Variants in IKZF3 observed in about 807,000 individuals in gnomAD.
IKZF3 encodes the protein IKAROS family zinc finger 3, also known as zinc finger protein Aiolos.
Under a neutral mutation model 49.0 loss-of-function variants are expected in IKZF3, and 10 were observed. The ratio of observed to expected loss-of-function variants is 0.20; its 90% CI spans 0.13 to 0.35. The LOEUF is 0.35. Among genes scored for constraint, IKZF3 ranks in the 10% least tolerant of loss-of-function variants. The pLI, the probability that IKZF3 is intolerant of heterozygous loss-of-function variation, is 1.00. For synonymous variants in IKZF3, 209 were observed against 228.2 expected (o/e 0.92, Z 0.76); for missense variants, 498 against 664.8 (o/e 0.75, Z 2.76).
In IKZF3 at chr17:39,758,586, G is replaced by A. The variant is rs958854208; in HGVS notation, c.*7204C>T. 6.6e-6 allele frequency: 1 copy of A among 151,972 alleles called. No homozygotes were observed. The highest frequency in any genetic ancestry group is 1.5e-5 in the Non-Finnish European group (1 of 68,040). The allele number at this position is 151,972 out of a possible 1,614,324, so 9.4% of individuals were successfully genotyped here. A position where few individuals can be genotyped will look rare whatever the true frequency, so the allele number is the denominator to read the frequency against. On this transcript the variant is annotated 3_prime_UTR_variant, in exon 8 of 8. Coordinates refer to ENST00000346872, the MANE Select transcript of IKZF3 (RefSeq NM_012481.5). ...TCTGGAGTGGGGTCAGTGGAGAGATGAACAGTGAGAAACATTTGAAATAAC... is the reference window on the plus strand; with the variant it reads ...TCTGGAGTGGGGTCAGTGGAGAGATAAACAGTGAGAAACATTTGAAATAAC...
intron 3 of IKZF3, among the ~76,000 whole-genome samples, chr17:39,829,018 A>G (rs2062032648): frequency 6.6e-6 from 1 of 152,088 alleles, no homozygotes; most frequent in African/African-American, 2.4e-5. Context: ...AATAATAATA[A>G]TAATTGAATT....
chr17:39,855,116 G>C (rs1406250654), intron 1 of IKZF3, among the ~76,000 whole-genome samples: 1 of 152,166 alleles, frequency 6.6e-6, no homozygotes, highest in Non-Finnish European at 1.5e-5. Flanking sequence ...CCACAGGGCT[G>C]ATCTATGGCA....
At chr17:39,843,586 C>A (rs922300182) in intron 1 of IKZF3, among the ~76,000 whole-genome samples, 1 of 152,008 alleles carries the variant, frequency 6.6e-6, no homozygotes, top group African/African-American at 2.4e-5. Flanking sequence ...ATATTTTAAA[C>A]CCTCTGACAT....
chr17:39,765,449 T>C lies in IKZF3; in HGVS notation c.*341A>G, dbSNP rs2060266244. 3 of 189,390 alleles carry C rather than the reference T, an allele frequency of 1.6e-5. No individual in the cohort carries two copies. The highest frequency in any genetic ancestry group is 2.2e-5 in the Non-Finnish European group (2 of 91,206). 11.7% of individuals were successfully genotyped at this position (189,390 alleles called of 1,614,324 possible). On this transcript the variant is annotated 3_prime_UTR_variant, in exon 8 of 8. Transcript: ENST00000346872. ...GACTGAAAGGCTTTTCCACGTGTGG[T>C]TGATATATCTCAGAAAGAATGTTTC...
intron 1 of IKZF3, among the ~76,000 whole-genome samples, chr17:39,838,604 A>G (rs2062372992): frequency 6.6e-6 from 1 of 152,046 alleles, no homozygotes; most frequent in Non-Finnish European, 1.5e-5. Flanking sequence ...TATAACTTCA[A>G]TTACAGAAGT....
chr17:39,863,813 T>C (rs988562589), intron 1 of IKZF3, among the ~76,000 whole-genome samples: 4 of 151,890 alleles, frequency 2.6e-5, no homozygotes, highest in African/African-American at 9.7e-5. Context: ...CCACCCCAGA[T>C]TTGCAGCCAT....
At chr17:39,824,001 G>A (rs1453338412) in intron 3 of IKZF3, among the ~76,000 whole-genome samples, 2 of 152,196 alleles carry the variant, frequency 1.3e-5, no homozygotes, top group Admixed American at 6.5e-5. Flanking sequence ...GACCCCAGAA[G>A]GGTAGATCCA....
Position 39,864,209 on chromosome 17 carries a change from C to G in IKZF3, c.-83G>C. On this transcript the variant is annotated 5_prime_UTR_variant, in exon 1 of 8. Coordinates refer to ENST00000346872, the MANE Select transcript of IKZF3 (RefSeq NM_012481.5). The stretch of plus-strand genomic sequence containing the variant: ...CCTGCCGTCGCCTGGACTCAGCGCG[C>G]AGCTGGCGGGAGATTCCCGGCGCGG... The G allele has an allele frequency of 6.6e-7, 1 of 1,515,920 alleles. No individual in the cohort carries two copies. Among genetic ancestry groups the G allele is most frequent in the Non-Finnish European group, 8.9e-7 (1 of 1,118,992 alleles). 93.9% of individuals were successfully genotyped at this position (1,515,920 alleles called of 1,614,324 possible).
At chr17:39,839,642 G>A in intron 1 of IKZF3, 1 of 355,520 alleles carries the variant, frequency 2.8e-6, no homozygotes, top group South Asian at 2.4e-5. Context: ...GGAGTGCAGT[G>A]GTATGATTTG....
At chr17:39,790,440 A>G (rs2060989966) in intron 5 of IKZF3, among the ~76,000 whole-genome samples, 1 of 152,158 alleles carries the variant, frequency 6.6e-6, no homozygotes, top group Middle Eastern at 3.2e-3. Flanking sequence ...ATGATCTCTC[A>G]TGGTGGGTTT....
chr17:39,795,485 C>A, intron 3 of IKZF3, among the ~76,000 whole-genome samples: 1 of 152,118 alleles, frequency 6.6e-6, no homozygotes, highest in Non-Finnish European at 1.5e-5. Flanking sequence ...CAGCTCACTG[C>A]CACCTCTGCT....
At chr17:39,813,212 T>C (rs1184882904) in intron 3 of IKZF3, among the ~76,000 whole-genome samples, 4 of 152,114 alleles carry the variant, frequency 2.6e-5, no homozygotes, top group African/African-American at 9.6e-5. Context: ...ATTTTTCTGT[T>C]AACCATTGCA....
chr17:39,832,111 C>G lies in IKZF3; in HGVS notation c.48G>C (p.Gln16His). ...TNAELKSTQE[Q>H]SVPAESAAVL... ...ACCTGATGTTACCTGCGGGCACAGA[C>G]TGCTCCTGAGTGCTTTTCAGTTCCG... Residue 16 changes from glutamine (Q) to histidine (H), a missense_variant, in exon 2 of 8, where the codon CAG (glutamine) becomes CAC (histidine). By Grantham distance (24) the Gln-to-His change is conservative (BLOSUM62 0). This residue lies in a region of IKZF3 where 97 missense variants were observed against 98.9 expected (regional missense o/e 0.98). Coordinates refer to ENST00000346872, the MANE Select transcript of IKZF3 (RefSeq NM_012481.5). 6.2e-7 allele frequency: 1 copy of G among 1,612,676 alleles called. No homozygotes were observed. Among genetic ancestry groups the G allele is most frequent in the Non-Finnish European group, 8.5e-7 (1 of 1,179,030 alleles).
chr17:39,765,281 T>C lies in IKZF3; in HGVS notation c.*509A>G, dbSNP rs1183320540. 2.6e-5 allele frequency: 4 copies of C among 152,608 alleles called. No individual in the cohort carries two copies. The highest frequency in any genetic ancestry group is 4.4e-5 in the Non-Finnish European group (3 of 68,254). 9.5% of individuals were successfully genotyped at this position (152,608 alleles called of 1,614,324 possible). A position where few individuals can be genotyped will look rare whatever the true frequency, so the allele number is the denominator to read the frequency against. On this transcript the variant is annotated 3_prime_UTR_variant, in exon 8 of 8. Transcript: ENST00000346872. ...TTACTCGTAACAGATACTTATTTTA[T>C]GGCTGTTCTTTTACTTACTCTTAGA...
At chr17:39,785,207 T>C (rs1436172616) in intron 6 of IKZF3, among the ~76,000 whole-genome samples, 1 of 152,228 alleles carries the variant, frequency 6.6e-6, no homozygotes, top group African/African-American at 2.4e-5. Context: ...TTAAATATTC[T>C]GTAAATTTTG....
intron 1 of IKZF3, among the ~76,000 whole-genome samples, chr17:39,846,005 T>G (rs1020870119): frequency 6.6e-6 from 1 of 152,204 alleles, no homozygotes; most frequent in Admixed American, 6.5e-5. Context: ...TTTTTGGGTA[T>G]CATTAGATAA....
At chr17:39,788,095 A>G (rs542724929) in intron 6 of IKZF3, among the ~76,000 whole-genome samples, 163 bp downstream of exon 6, 4 of 152,264 alleles carry the variant, frequency 2.6e-5, no homozygotes, top group Non-Finnish European at 4.4e-5. Flanking sequence ...TCTCAATAGC[A>G]CTTACCACCC....
At chr17:39,802,221 CAAAAAAAAAAAAA>C (rs56029512) in intron 3 of IKZF3, among the ~76,000 whole-genome samples, 2 of 54,410 alleles carry the variant, frequency 3.7e-5, no homozygotes, top group South Asian at 1.3e-3. Flanking sequence ...GACTCCATCT[CAAAAAAAAAAAAA>C]AAAAAAAAAA....
intron 1 of IKZF3, among the ~76,000 whole-genome samples, chr17:39,858,318 A>G (rs184118749): frequency 6.6e-6 from 1 of 152,226 alleles, no homozygotes; most frequent in Non-Finnish European, 1.5e-5. Flanking sequence ...AAGAAAGAAA[A>G]GTTTCCTTTG....
Sources: allele counts gnomAD v4.1 joint callset (sites outside exome capture counted in the v4.1 genomes callset), GRCh38; gene constraint gnomAD v4.1.1; regional missense constraint gnomAD v4.1.1; transcripts MANE v1.5; gene names NCBI Gene and HGNC (gene_info 2026-07-23, HGNC 2026-07-21).